The following ZIM2 variants were observed in gnomAD, a reference collection of about 807,000 sequenced individuals.
ZIM2 encodes zinc finger protein 656.
In ZIM2, 14 loss-of-function variants were observed where a neutral mutation model predicts 38.6. The ratio of observed to expected loss-of-function variants is 0.36; its 90% confidence interval spans 0.24 to 0.57. The LOEUF (loss-of-function observed/expected upper bound fraction) is 0.57. Among genes scored for constraint, ZIM2 ranks in the 20% least tolerant of loss-of-function variants. The pLI, the probability that ZIM2 is intolerant of heterozygous loss-of-function variation, is 0.81. For synonymous variants in ZIM2, 247 were observed against 245.8 expected (o/e 1.00, Z -0.04); for missense variants, 680 against 695.1 (o/e 0.98, Z 0.24).
At chr19:56,832,763 G>C (rs113957102) in intron 2 of ZIM2, among the ~76,000 whole-genome samples, 282 of 152,270 alleles carry the variant, frequency 1.9e-3, no homozygotes, top group Middle Eastern at 3.4e-3. Context: ...GGCGTTCTTT[G>C]ATCTCCAAAG....
intron 3 of ZIM2, 169 bp from the exon 4 acceptor site, chr19:56,824,596 C>T (rs1475506345): frequency 2.5e-6 from 4 of 1,613,688 alleles, no homozygotes; most frequent in East Asian, 2.2e-5. Context: ...CTAGCTCATA[C>T]AGATTTGGGG....
chr19:56,814,489 G>A lies in ZIM2; in HGVS notation c.490+3257C>T. The A allele has an allele frequency of 6.2e-7, 1 of 1,613,082 alleles. No individual in the cohort carries two copies. The highest frequency in any genetic ancestry group is 8.5e-7 in the Non-Finnish European group (1 of 1,179,034). Reference sequence around the variant, plus strand: ...TTTGAGGGGCTCAGTAAGAAATGAGGTGTGAGTATAGGAGGACCCGTACTC... The same window carrying A: ...TTTGAGGGGCTCAGTAAGAAATGAGATGTGAGTATAGGAGGACCCGTACTC... On this transcript the variant is annotated intron_variant, in intron 9 of 12. Transcript: ENST00000629319. This position sits in a 1 kb window ranked among gnomAD's most constrained non-coding sequence, Gnocchi z 5.8.
intron 3 of ZIM2, 63 bp from the exon 4 acceptor site, chr19:56,824,490 C>A (rs747618072): frequency 6.2e-7 from 1 of 1,613,932 alleles, no homozygotes. Flanking sequence ...CCAACAAATT[C>A]CACATAGATT....
chr19:56,830,516 C>T lies in ZIM2; in HGVS notation c.-226-4053G>A, dbSNP rs187841211. ...ATGTTATTAAACATTAAAGATGTTCCTCTGGAAGTGGGGACAAGGAAGGGA... is the reference window on the plus strand; with the variant it reads ...ATGTTATTAAACATTAAAGATGTTCTTCTGGAAGTGGGGACAAGGAAGGGA... On this transcript the variant is annotated intron_variant, in intron 2 of 12. Transcript: ENST00000629319. Among the ~76,000 whole-genome samples the T allele has an allele frequency of 2.3e-3, 356 of 152,266 alleles. 3 individuals carry two copies. The highest frequency in any genetic ancestry group is 7.5e-3 in the African/African-American group (313 of 41,538).
chr19:56,778,309 A>C (rs1188952878), intron 12 of ZIM2, among the ~76,000 whole-genome samples: 1 of 151,936 alleles, frequency 6.6e-6, no homozygotes, highest in Non-Finnish European at 1.5e-5. Flanking sequence ...TAGGGAAAGA[A>C]AAGAAGACAA....
chr19:56,775,008 G>A lies in ZIM2; in HGVS notation c.1357C>T (p.Leu453Phe), dbSNP rs767018266. 2.5e-6 allele frequency: 4 copies of A among 1,614,170 alleles called. No individual in the cohort carries two copies. Among genetic ancestry groups the A allele is most frequent in the East Asian group, 4.5e-5 (2 of 44,868 alleles). The change falls in exon 13 of 13, where the codon CTC (leucine) becomes TTC (phenylalanine). Residue 453 changes from leucine to phenylalanine, a missense_variant. Transcript: ENST00000629319. The stretch of plus-strand genomic sequence containing the variant: ...TGTTGAAGAAGATGCACATTCTGGA[G>A]AAAAGCTTTGCCGCACTGAAAACAT... ...FECFQCGKAF[L>F]QNVHLLQHLK...
intron 1 of ZIM2, among the ~76,000 whole-genome samples, chr19:56,839,654 A>G (rs1298331143): frequency 2.0e-5 from 3 of 152,186 alleles, no homozygotes; most frequent in East Asian, 3.9e-4. Context: ...GGCAAACCTC[A>G]GCCACCCTCA....
intron 2 of ZIM2, among the ~76,000 whole-genome samples, chr19:56,830,683 C>T (rs2061490774): frequency 6.6e-6 from 1 of 151,982 alleles, no homozygotes; most frequent in Admixed American, 6.6e-5. Context: ...GAAATAATTC[C>T]CATTAATAGC....
chr19:56,838,981 G>A (rs1052169047), intron 1 of ZIM2, among the ~76,000 whole-genome samples: 14 of 151,942 alleles, frequency 9.2e-5, no homozygotes, highest in African/African-American at 2.2e-4. Flanking sequence ...GCCTTGCCCC[G>A]CCGCATCTGC....
intron 2 of ZIM2, among the ~76,000 whole-genome samples, chr19:56,828,338 C>A (rs185474519): frequency 2.4e-4 from 36 of 152,282 alleles, no homozygotes; most frequent in African/African-American, 8.4e-4. Context: ...TCTGAATATA[C>A]CCCTCAATTA....
At chr19:56,822,345 G>A (rs1017728800) in intron 6 of ZIM2, among the ~76,000 whole-genome samples, 1 of 152,150 alleles carries the variant, frequency 6.6e-6, no homozygotes, top group African/African-American at 2.4e-5. Flanking sequence ...GCTCAGATGT[G>A]GCACTTCCCT....
At chr19:56,790,204 C>A in intron 9 of ZIM2, 1 of 356,082 alleles carries the variant, frequency 2.8e-6, no homozygotes. Context: ...AAGTTCCCTC[C>A]ATATCAGTCA....
chr19:56,783,916 AATAT>A (rs796431412), intron 10 of ZIM2, among the ~76,000 whole-genome samples: 4 of 152,324 alleles, frequency 2.6e-5, no homozygotes, highest in African/African-American at 9.6e-5. Context: ...AGCAAATCTG[AATAT>A]AGAAAATTGT....
intron 2 of ZIM2, among the ~76,000 whole-genome samples, chr19:56,827,154 A>G (rs1368929280): frequency 6.6e-6 from 1 of 152,244 alleles, no homozygotes; most frequent in Admixed American, 6.5e-5. Context: ...AAACCATTCC[A>G]GAGCACAGAA....
At position 56,774,857 on chromosome 19, in the gene ZIM2, C is replaced by T. The variant is rs190856405; in HGVS notation, c.1508G>A (p.Gly503Asp). ...GERACQCCDC[G>D]RVFSRNSYLI... ...ATATGAATTCCGACTGAAGACTCTG[C>T]CACAGTCACAACACTGGCAGGCTCT... is the stretch of plus-strand genomic sequence containing the variant. The change falls in exon 13 of 13, where the codon GGC (glycine) becomes GAC (aspartate). Residue 503 changes from glycine (G) to aspartate (D), a missense_variant. Physicochemically the swap from Gly to Asp is moderately conservative, Grantham distance 94. Transcript: ENST00000629319. 11 of 1,614,034 alleles carry T rather than the reference C, an allele frequency of 6.8e-6. No homozygotes were observed. In the Admixed American group the frequency reaches 1.8e-4, roughly 27 times the overall value.
intron 4 of ZIM2, 106 bp downstream of exon 4, chr19:56,824,156 G>A: frequency 1.3e-6 from 2 of 1,513,050 alleles, no homozygotes; most frequent in Non-Finnish European, 1.8e-6. Context: ...CGCTGCCCAG[G>A]ACAGAGAGTT....
chr19:56,822,884 C>A, intron 5 of ZIM2, 48 bp from the exon 6 acceptor site: 1 of 1,585,214 alleles, frequency 6.3e-7, no homozygotes, highest in South Asian at 1.1e-5. Context: ...TTTGACACAC[C>A]TGTTTTCCCT....
intron 2 of ZIM2, among the ~76,000 whole-genome samples, chr19:56,828,311 T>G (rs112085140): frequency 6.6e-6 from 1 of 152,234 alleles, no homozygotes; most frequent in Non-Finnish European, 1.5e-5. Flanking sequence ...TAAATACTTA[T>G]GATATTGCAG....
intron 3 of ZIM2, among the ~76,000 whole-genome samples, chr19:56,825,999 C>G (rs2060991557): frequency 6.6e-6 from 1 of 152,174 alleles, no homozygotes; most frequent in Non-Finnish European, 1.5e-5. Flanking sequence ...ATATTATCAT[C>G]CCATGGAGCT....
Sources: allele counts gnomAD v4.1 joint callset (sites outside exome capture counted in the v4.1 genomes callset), GRCh38; gene constraint gnomAD v4.1.1; non-coding constraint Gnocchi (gnomAD v3.1); transcripts MANE v1.5; gene names NCBI Gene and HGNC (gene_info 2026-07-23, HGNC 2026-07-21).